LDB2: variants seen among roughly 807,000 people sequenced by gnomAD.
LDB2 encodes the protein LIM domain-binding protein 2.
In LDB2, 12 loss-of-function variants were observed where a neutral mutation model predicts 44.3. The ratio of observed to expected loss-of-function variants is 0.27; its 90% CI spans 0.17 to 0.44. The LOEUF (loss-of-function observed/expected upper bound fraction) is 0.44, where lower values mean the gene tolerates loss of function less well. LDB2 is among the 20% of genes least tolerant of loss of function. LDB2 has a pLI of 1.00. For synonymous variants in LDB2, 164 were observed against 174.8 expected (o/e 0.94, Z 0.49); for missense variants, 344 against 473.5 (o/e 0.73, Z 2.54).
intron 2 of LDB2, among the ~76,000 whole-genome samples, chr4:16,611,180 C>T (rs571756975): frequency 1.3e-4 from 20 of 152,228 alleles, no homozygotes; most frequent in African/African-American, 4.3e-4. Context: ...GATTTCGTTA[C>T]CACCAGGCCT....
chr4:16,692,436 C>G (rs915262034), intron 2 of LDB2, among the ~76,000 whole-genome samples: 2 of 152,158 alleles, frequency 1.3e-5, no homozygotes, highest in Non-Finnish European at 2.9e-5. Flanking sequence ...CCAGCAGCAG[C>G]AAAAGGGTTA....
At chr4:16,660,385 G>A (rs988936535) in intron 2 of LDB2, among the ~76,000 whole-genome samples, 16 of 152,288 alleles carry the variant, frequency 1.1e-4, no homozygotes, top group Admixed American at 2.6e-4. Context: ...TAAGGGTAAA[G>A]AGGATGGTGA....
Position 16,688,153 on chromosome 4 carries a change from C to T in LDB2, c.235+71005G>A, listed in dbSNP as rs75897314. ...GAAAAACCTGTTGGACCTTAAAGTT[C>T]GCATTGTTTTTGCAACTACTCTGCA... On this transcript the variant is annotated intron_variant, in intron 2 of 7. Transcript: ENST00000304523. 3.0e-4 allele frequency among the ~76,000 whole-genome samples: 46 copies of T among 152,290 alleles called. No individual in the cohort carries two copies. In the East Asian group the frequency reaches 5.2e-3, roughly 17 times the overall value.
intron 2 of LDB2, among the ~76,000 whole-genome samples, chr4:16,619,896 TA>T (rs1728402379): frequency 6.6e-6 from 1 of 151,812 alleles, no homozygotes; most frequent in South Asian, 2.1e-4. Flanking sequence ...TAAGGAAAAT[TA>T]AAAAGAATAA....
In LDB2 at chr4:16,865,854, C is replaced by T. The variant is rs554714055; in HGVS notation, c.132+32500G>A. The stretch of plus-strand genomic sequence containing the variant: ...CCCCATGGACACTCCAAACACATTC[C>T]CACCTTTGTGCTTGCCACTTTCTCC... On this transcript the variant is annotated intron_variant, in intron 1 of 7. Coordinates refer to ENST00000304523, the MANE Select transcript of LDB2 (RefSeq NM_001290.5). Among the ~76,000 whole-genome samples the T allele has an allele frequency of 4.6e-5, 7 of 152,286 alleles. 1 individual carries two copies. The highest frequency in any genetic ancestry group is 1.7e-4 in the African/African-American group (7 of 41,576).
In LDB2 at chr4:16,840,337, T is replaced by C. The variant is rs560637172; in HGVS notation, c.132+58017A>G. Among the ~76,000 whole-genome samples, 4 of 152,298 alleles carry C rather than the reference T, an allele frequency of 2.6e-5. No homozygotes were observed. In the South Asian group the frequency reaches 8.3e-4, roughly 32 times the overall value. Reference sequence around the variant, plus strand: ...TATGCATGTGCTACTATCACAACTATGTAAAAAGATACATATATATATCTT... The same window carrying C: ...TATGCATGTGCTACTATCACAACTACGTAAAAAGATACATATATATATCTT... On this transcript the variant is annotated intron_variant, in intron 1 of 7. Transcript: ENST00000304523.
intron 5 of LDB2, among the ~76,000 whole-genome samples, chr4:16,542,403 T>C (rs765206558): frequency 1.6e-4 from 24 of 152,164 alleles, no homozygotes; most frequent in Non-Finnish European, 2.5e-4. Context: ...GCAGGTTTGA[T>C]GGAGGTCTTT....
chr4:16,751,518 C>G (rs1403047114), intron 2 of LDB2, among the ~76,000 whole-genome samples: 2 of 152,178 alleles, frequency 1.3e-5, no homozygotes, highest in African/African-American at 4.8e-5. Context: ...TCTCCTTTTT[C>G]TCTTTCAGAA....
intron 5 of LDB2, among the ~76,000 whole-genome samples, chr4:16,556,726 AAATAT>A (rs1401991063): frequency 6.6e-6 from 1 of 152,254 alleles, no homozygotes; most frequent in African/African-American, 2.4e-5. Flanking sequence ...CCATGTAAAT[AAATAT>A]AACAACAGAA....
intron 2 of LDB2, among the ~76,000 whole-genome samples, chr4:16,682,996 C>A (rs1430520976): frequency 2.6e-5 from 4 of 152,196 alleles, no homozygotes; most frequent in Non-Finnish European, 5.9e-5. Context: ...TTAATGAATG[C>A]CTTTCCTATT....
intron 7 of LDB2, chr4:16,506,027 C>T: frequency 6.5e-7 from 1 of 1,539,952 alleles, no homozygotes; most frequent in Non-Finnish European, 8.8e-7. Context: ...AAACCCTAGC[C>T]CTCGCCAGAC....
At chr4:16,575,100 C>T (rs1019164264) in intron 5 of LDB2, among the ~76,000 whole-genome samples, 7 of 152,102 alleles carry the variant, frequency 4.6e-5, no homozygotes, top group Non-Finnish European at 7.4e-5. Context: ...ATGACTTCCT[C>T]GCTCAACATT....
intron 1 of LDB2, among the ~76,000 whole-genome samples, chr4:16,887,288 G>A (rs1277366119): frequency 6.6e-6 from 1 of 151,702 alleles, no homozygotes; most frequent in Non-Finnish European, 1.5e-5. Context: ...GCACTGCTTA[G>A]TCCAAGTTAG....
intron 2 of LDB2, among the ~76,000 whole-genome samples, chr4:16,647,448 A>G (rs1162437525): frequency 6.6e-6 from 1 of 152,222 alleles, no homozygotes; most frequent in Non-Finnish European, 1.5e-5. Context: ...GTCTCAATAA[A>G]GCTGACATAT....
At chr4:16,799,427 A>G (rs1365078628) in intron 1 of LDB2, among the ~76,000 whole-genome samples, 2 of 152,210 alleles carry the variant, frequency 1.3e-5, no homozygotes, top group African/African-American at 4.8e-5. Flanking sequence ...CCCCATGCCC[A>G]GTTTCCTCTG....
chr4:16,614,681 G>A (rs577427543), intron 2 of LDB2, among the ~76,000 whole-genome samples: 29 of 150,718 alleles, frequency 1.9e-4, no homozygotes, highest in Admixed American at 4.6e-4. Flanking sequence ...ACCAACAAAC[G>A]TGATAAAAAG....
chr4:16,665,431 A>G (rs541279647), intron 2 of LDB2, among the ~76,000 whole-genome samples: 3 of 151,790 alleles, frequency 2.0e-5, no homozygotes, highest in African/African-American at 4.8e-5. Flanking sequence ...ACACCCGACT[A>G]AGTTTTTGTA....
At chr4:16,503,008 C>CG (rs1553865060) in intron 7 of LDB2, 135 bp from the exon 8 acceptor site, 14 of 1,587,612 alleles carry the variant, frequency 8.8e-6, no homozygotes, top group Non-Finnish European at 1.2e-5. Context: ...GTCTCAATGT[C>CG]GGGGGCCGAG....
chr4:16,797,337 C>T (rs6819263), intron 1 of LDB2, among the ~76,000 whole-genome samples: 1,579 of 152,190 alleles, frequency 0.01, 28 homozygotes, highest in African/African-American at 0.035. Flanking sequence ...TTTTGACAAA[C>T]TAAGGATCAT....
Sources: allele counts gnomAD v4.1 joint callset (sites outside exome capture counted in the v4.1 genomes callset), GRCh38; gene constraint gnomAD v4.1.1; transcripts MANE v1.5; gene names NCBI Gene and HGNC (gene_info 2026-07-23, HGNC 2026-07-21).